C2orf69: variants seen among roughly 807,000 people sequenced by gnomAD.
C2orf69 encodes the protein chromosome 2 open reading frame 69, also known as mitochondrial protein C2orf69.
C2orf69 carries 19 observed loss-of-function variants against 29.5 expected under a neutral mutation model. The ratio of observed to expected loss-of-function variants is 0.65; its 90% CI spans 0.45 to 0.95. The LOEUF (loss-of-function observed/expected upper bound fraction) is 0.95. Among genes scored for constraint, C2orf69 ranks in the 40% least tolerant of loss-of-function variants. The pLI is 0.00. For missense variants in C2orf69, 416 were observed against 482.1 expected, an observed-to-expected ratio of 0.86 and a Z score of 1.28; for synonymous variants, 194 against 180.0, an observed-to-expected ratio of 1.08 and a Z score of -0.62.
chr2:199,926,034 T>C lies in C2orf69; in HGVS notation c.*148T>C. 1 of 584,318 alleles carries C rather than the reference T, an allele frequency of 1.7e-6. No individual in the cohort carries two copies. Among genetic ancestry groups the C allele is most frequent in the South Asian group, 2.3e-5 (1 of 42,650 alleles). The allele number at this position is 584,318 out of a possible 1,614,324, so 36.2% of individuals were successfully genotyped here. Reference sequence around the variant, plus strand: ...ACACATTCCTAAAATGTGAGTGTAATGTGCAATAGTATTTTTTGCTTGTGA... The same window carrying C: ...ACACATTCCTAAAATGTGAGTGTAACGTGCAATAGTATTTTTTGCTTGTGA... On this transcript the variant is annotated 3_prime_UTR_variant, in exon 2 of 2. Transcript: ENST00000319974.
intron 1 of C2orf69, among the ~76,000 whole-genome samples, chr2:199,923,441 A>G (rs967110927): frequency 1.3e-5 from 2 of 152,202 alleles, no homozygotes; most frequent in African/African-American, 2.4e-5. Context: ...ATTTAAATGT[A>G]TATTAAATAA....
chr2:199,924,696 T>G (rs563670916), intron 1 of C2orf69, among the ~76,000 whole-genome samples: 1 of 152,322 alleles, frequency 6.6e-6, no homozygotes, highest in Admixed American at 6.5e-5. Context: ...GTCTATCTAG[T>G]GAACCAAATT....
In C2orf69 at chr2:199,925,456, A is replaced by T; in HGVS notation, c.728A>T (p.Glu243Val). The change falls in exon 2 of 2, where the codon GAG (glutamate) becomes GTG (valine). Residue 243 changes from glutamate to valine, a missense_variant. This residue lies in a region of C2orf69 where 225 missense variants were observed against 307.3 expected (regional missense o/e 0.73). Coordinates refer to ENST00000319974, the MANE Select transcript of C2orf69 (RefSeq NM_153689.6). This position sits in a 1 kb window ranked among gnomAD's most constrained non-coding sequence, Gnocchi z 4.9. ...EKVRTCEKSDESAMSFYPPSL... is the reference protein window; with the variant it reads ...EKVRTCEKSDVSAMSFYPPSL... ...GTGAGGACCTGTGAAAAATCTGATG[A>T]GTCTGCCATGAGTTTTTATCCACCA... 6.2e-7 allele frequency: 1 copy of T among 1,613,762 alleles called. No homozygotes were observed. Among genetic ancestry groups the T allele is most frequent in the South Asian group, 1.1e-5 (1 of 91,070 alleles).
chr2:199,911,522 T>A lies in C2orf69; in HGVS notation c.84T>A (p.Ser28=). 2 of 1,549,556 alleles carry A rather than the reference T, an allele frequency of 1.3e-6. No homozygotes were observed. Among genetic ancestry groups the A allele is most frequent in the South Asian group, 2.4e-5 (2 of 84,026 alleles). The part of the protein sequence containing the change: ...QLGIGNASSC[S]QARTMNPGGS... ...GAATCGGAAACGCCTCGTCCTGCTC[T>A]CAGGCCAGAACCATGAACCCGGGCG... is the stretch of plus-strand genomic sequence containing the variant. The change falls in exon 1 of 2, where the codon TCT becomes TCA. Residue 28 remains serine, a synonymous_variant. Coordinates refer to ENST00000319974, the MANE Select transcript of C2orf69 (RefSeq NM_153689.6).
Position 199,911,739 on chromosome 2 carries a change from C to T in C2orf69, c.301C>T (p.His101Tyr). The change falls in exon 1 of 2, where the codon CAT becomes TAT. Residue 101 changes from histidine (H) to tyrosine (Y), a missense_variant. Physicochemically the swap from His to Tyr is moderately conservative, Grantham distance 83 (BLOSUM62 2). Coordinates refer to ENST00000319974, the MANE Select transcript of C2orf69 (RefSeq NM_153689.6). ...AKEEPQPPPQHHVLYFPGDVQ... is the reference protein window; with the variant it reads ...AKEEPQPPPQYHVLYFPGDVQ... The stretch of plus-strand genomic sequence containing the variant: ...GGAGGAGCCGCAGCCGCCGCCCCAG[C>T]ATCACGTCCTCTATTTCCCTGGGGA... 1 of 1,541,164 alleles carries T rather than the reference C, an allele frequency of 6.5e-7. No individual in the cohort carries two copies. Among genetic ancestry groups the T allele is most frequent in the Non-Finnish European group, 8.7e-7 (1 of 1,146,916 alleles).
rs2077254437 is a variant in C2orf69 at position 199,911,296 on chromosome 2, T to C, written c.-143T>C. ...CACGCTGCGCGCGGACGTCGGCCTC[T>C]GACGTCGTCGCCTCAGCGCCGGCTC... is the stretch of plus-strand genomic sequence containing the variant. On this transcript the variant is annotated 5_prime_UTR_variant, in exon 1 of 2. Coordinates refer to ENST00000319974, the MANE Select transcript of C2orf69 (RefSeq NM_153689.6). The C allele has an allele frequency of 2.0e-6, 2 of 991,564 alleles. No individual in the cohort carries two copies. Among genetic ancestry groups the C allele is most frequent in the Non-Finnish European group, 2.7e-6 (2 of 731,924 alleles). 61.4% of individuals were successfully genotyped at this position (991,564 alleles called of 1,614,324 possible).
intron 1 of C2orf69, 94 bp downstream of exon 1, chr2:199,911,865 T>G: frequency 6.6e-7 from 1 of 1,506,122 alleles, no homozygotes; most frequent in Non-Finnish European, 8.9e-7. Flanking sequence ...CTGGTTCCTT[T>G]CCTTGCCTGA....
rs748368142 is a variant in C2orf69 at position 199,911,426 on chromosome 2, G to C, written c.-13G>C. On this transcript the variant is annotated 5_prime_UTR_variant, in exon 1 of 2. Coordinates refer to ENST00000319974, the MANE Select transcript of C2orf69 (RefSeq NM_153689.6). ...CACCCTCCACCTCCGAACCGCTCTC[G>C]CGGCGGCGACCCATGTGGGGGTTCA... 2.0e-6 allele frequency: 3 copies of C among 1,506,304 alleles called. No homozygotes were observed. The highest frequency in any genetic ancestry group is 2.8e-5 in the African/African-American group (2 of 70,184). 93.3% of individuals were successfully genotyped at this position (1,506,304 alleles called of 1,614,324 possible).
rs773529628 is a variant in C2orf69 at position 199,925,428 on chromosome 2, A to C, written c.700A>C (p.Lys234Gln). 2.7e-5 allele frequency: 44 copies of C among 1,613,876 alleles called. No individual in the cohort carries two copies. Among genetic ancestry groups the C allele is most frequent in the Non-Finnish European group, 3.6e-5 (43 of 1,179,864 alleles). Reference protein sequence around the residue: ...SHTTNGCQGEKVRTCEKSDES... With the variant: ...SHTTNGCQGEQVRTCEKSDES... The stretch of plus-strand genomic sequence containing the variant: ...TACTACGAATGGTTGCCAGGGAGAA[A>C]AAGTGAGGACCTGTGAAAAATCTGA... The change falls in exon 2 of 2, where the codon AAA (lysine) becomes CAA (glutamine). Residue 234 changes from lysine (K) to glutamine (Q), a missense_variant. Physicochemically the swap from Lys to Gln is moderately conservative, Grantham distance 53. Transcript: ENST00000319974. This position sits in a 1 kb window ranked among gnomAD's most constrained non-coding sequence, Gnocchi z 4.9.
chr2:199,913,359 T>TAC (rs2077279782), intron 1 of C2orf69, among the ~76,000 whole-genome samples: 1 of 92,062 alleles, frequency 1.1e-5, no homozygotes, highest in South Asian at 2.8e-4. Flanking sequence ...TTATATATAA[T>TAC]ATATTCTATT....
At chr2:199,921,258 G>A (rs62178355) in intron 1 of C2orf69, among the ~76,000 whole-genome samples, 1 of 151,794 alleles carries the variant, frequency 6.6e-6, no homozygotes, top group Admixed American at 6.6e-5. Flanking sequence ...CGCCTGGCTC[G>A]GCCTCCCAAA....
chr2:199,915,435 T>C (rs1355210453), intron 1 of C2orf69, among the ~76,000 whole-genome samples: 1 of 152,106 alleles, frequency 6.6e-6, no homozygotes, highest in African/African-American at 2.4e-5. Flanking sequence ...GCTTTATTCT[T>C]AATTTGAAGA....
chr2:199,919,131 T>A (rs1468842506), intron 1 of C2orf69, among the ~76,000 whole-genome samples: 1 of 152,258 alleles, frequency 6.6e-6, no homozygotes, highest in East Asian at 1.9e-4. Context: ...TTTTAAAATT[T>A]TTCGTAGAAA....
At chr2:199,923,666 C>G (rs180989183) in intron 1 of C2orf69, among the ~76,000 whole-genome samples, 1 of 152,250 alleles carries the variant, frequency 6.6e-6, no homozygotes, top group East Asian at 1.9e-4. Context: ...TAAGAATCCT[C>G]CAGTAATTTT....
chr2:199,913,352 TATATA>T (rs1447087025), intron 1 of C2orf69, among the ~76,000 whole-genome samples: 15 of 78,502 alleles, frequency 1.9e-4, no homozygotes, highest in African/African-American at 7.5e-4. Flanking sequence ...ATATATATTA[TATATA>T]ATATATTCTA....
intron 1 of C2orf69, among the ~76,000 whole-genome samples, chr2:199,921,710 A>G (rs61005383): frequency 0.1 from 15,540 of 151,376 alleles, 1,206 homozygotes; most frequent in Admixed American, 0.24. Flanking sequence ...AGTGAAAACT[A>G]TGTATAAGCT....
At position 199,925,345 on chromosome 2, in the gene C2orf69, GT is replaced by G; in HGVS notation, c.620del (p.Leu207Ter). ...AGTCAGAATAGTTTATCAAAGAAAA[GT>G]TTGAATGTTTGGAATAAGGACTCCA... is the stretch of plus-strand genomic sequence containing the variant. ...NLSQNSLSKK[S>X]LNVWNKDSIA... On this transcript the variant is annotated frameshift_variant, in exon 2 of 2. Coordinates refer to ENST00000319974, the MANE Select transcript of C2orf69 (RefSeq NM_153689.6). LOFTEE classifies it high-confidence loss of function. The surrounding 1 kb of genome is among the most constrained non-coding windows in gnomAD (Gnocchi z 4.9). 2 of 1,613,430 alleles carry G rather than the reference GT, an allele frequency of 1.2e-6. No homozygotes were observed. The highest frequency in any genetic ancestry group is 1.7e-6 in the Non-Finnish European group (2 of 1,179,662).
chr2:199,915,288 T>C (rs1293560122), intron 1 of C2orf69, among the ~76,000 whole-genome samples: 2 of 152,180 alleles, frequency 1.3e-5, no homozygotes, highest in Non-Finnish European at 2.9e-5. Context: ...TTATTTTCTT[T>C]TATTACTATT....
At chr2:199,917,007 C>T (rs2077295058) in intron 1 of C2orf69, among the ~76,000 whole-genome samples, 1 of 152,202 alleles carries the variant, frequency 6.6e-6, no homozygotes, top group Non-Finnish European at 1.5e-5. Flanking sequence ...CAGGTGTTTT[C>T]ATACATCCTC....
Sources: gnomAD v4.1 joint callset for allele counts (sites outside exome capture counted in the v4.1 genomes callset) on GRCh38, gnomAD v4.1.1 for gene constraint, gnomAD v4.1.1 regional missense constraint, Gnocchi (gnomAD v3.1) non-coding constraint, MANE v1.5 for transcripts, NCBI Gene and HGNC (gene_info 2026-07-23, HGNC 2026-07-21) for gene names.